Variants in DCDC1 observed in about 807,000 individuals in gnomAD.
The protein encoded by DCDC1 is doublecortin domain-containing protein 1.
DCDC1 carries 200 observed loss-of-function variants against 178.3 expected under a neutral mutation model. The observed-to-expected ratio is 1.12, with a 90% CI of 1.00 to 1.26. The LOEUF (loss-of-function observed/expected upper bound fraction) is 1.26, where lower values mean the gene tolerates loss of function less well. DCDC1 is among the 50% of genes most tolerant of loss of function. DCDC1 has a pLI of 0.00. For synonymous variants in DCDC1, 690 were observed against 604.8 expected, an observed-to-expected ratio of 1.14 and a Z score of -2.07; for missense variants, 1,983 against 1,749.2, an observed-to-expected ratio of 1.13 and a Z score of -2.38.
intron 21 of DCDC1, among the ~76,000 whole-genome samples, chr11:30,946,980 C>T (rs984170483): frequency 2.6e-5 from 4 of 152,118 alleles, no homozygotes; most frequent in Non-Finnish European, 5.9e-5. Context: ...CTAAATTTCA[C>T]TGAAAACGTA....
intron 9 of DCDC1, among the ~76,000 whole-genome samples, chr11:31,187,715 A>G (rs190743696): frequency 7.5e-4 from 114 of 152,346 alleles, no homozygotes; most frequent in African/African-American, 2.6e-3. Flanking sequence ...CAAAGGATCC[A>G]GTTACTAACC....
At chr11:31,289,685 G>C (rs1485940704) in intron 7 of DCDC1, among the ~76,000 whole-genome samples, 1 of 151,976 alleles carries the variant, frequency 6.6e-6, no homozygotes, top group Non-Finnish European at 1.5e-5. Flanking sequence ...TCAAAAATGA[G>C]ACTAGAAAAC....
Position 31,189,122 on chromosome 11 carries a change from T to C in DCDC1, c.1222-51338A>G, listed in dbSNP as rs151084592. Among the ~76,000 whole-genome samples the C allele has an allele frequency of 5.5e-3, 836 of 152,232 alleles. 8 individuals carry two copies. The highest frequency in any genetic ancestry group is 0.019 in the African/African-American group (794 of 41,540). Reference sequence around the variant, plus strand: ...GTAATAAATTTTCGTTGTTTATAAATTACTCAGTCTAAGGTGTTTTTGTTA... The same window carrying C: ...GTAATAAATTTTCGTTGTTTATAAACTACTCAGTCTAAGGTGTTTTTGTTA... On this transcript the variant is annotated intron_variant, in intron 9 of 38. Transcript: ENST00000684477.
intron 3 of DCDC1, among the ~76,000 whole-genome samples, chr11:31,323,343 G>T (rs1211434095): frequency 6.6e-6 from 1 of 152,100 alleles, no homozygotes; most frequent in African/African-American, 2.4e-5. Flanking sequence ...ACTTGCTGTC[G>T]CTTCATATTC....
Position 30,975,156 on chromosome 11 carries a change from T to C in DCDC1, c.2592-22588A>G, listed in dbSNP as rs558803784. Among the ~76,000 whole-genome samples the C allele has an allele frequency of 8.7e-4, 132 of 152,218 alleles. 1 individual carries two copies. The highest frequency in any genetic ancestry group is 1.6e-3 in the Non-Finnish European group (112 of 67,978). The stretch of plus-strand genomic sequence containing the variant: ...ATCTCAATAGACACAGAAAAAGCAT[T>C]TGATAAAATTTAACATTTCTTCATG... On this transcript the variant is annotated intron_variant, in intron 20 of 38. Coordinates refer to ENST00000684477, the MANE Select transcript of DCDC1 (RefSeq NM_001387274.1).
At chr11:31,167,672 C>G (rs149606605) in intron 9 of DCDC1, among the ~76,000 whole-genome samples, 1 of 152,128 alleles carries the variant, frequency 6.6e-6, no homozygotes, top group Non-Finnish European at 1.5e-5. Context: ...GACTCCTGAT[C>G]ACATTTATTT....
intron 1 of DCDC1, among the ~76,000 whole-genome samples, chr11:31,368,305 T>TA (rs1952069358): frequency 6.6e-6 from 1 of 152,114 alleles, no homozygotes; most frequent in Admixed American, 6.6e-5. Flanking sequence ...GCTTTTGCTG[T>TA]AAAAAACAAA....
Position 31,081,616 on chromosome 11 carries a change from A to AAAAG in DCDC1, c.2238-3692_2238-3691insCTTT, listed in dbSNP as rs1565258492. Among the ~76,000 whole-genome samples the AAAAG allele has an allele frequency of 2.0e-3, 298 of 152,274 alleles. 1 individual carries two copies. The highest frequency in any genetic ancestry group is 6.9e-3 in the African/African-American group (286 of 41,558). On this transcript the variant is annotated intron_variant, in intron 17 of 38. Transcript: ENST00000684477. The stretch of plus-strand genomic sequence containing the variant: ...CAAGAGTGAAACTCCATCTCAAAAA[A>AAAAG]AAAAGAAAAGAAAAGAAAAGAAATA...
chr11:30,871,945 C>T (rs922715495), intron 38 of DCDC1, among the ~76,000 whole-genome samples: 1 of 151,724 alleles, frequency 6.6e-6, no homozygotes, highest in Non-Finnish European at 1.5e-5. Flanking sequence ...CACACACATA[C>T]ATATATATAC....
At chr11:31,269,749 C>G (rs1945423948) in intron 7 of DCDC1, among the ~76,000 whole-genome samples, 1 of 152,136 alleles carries the variant, frequency 6.6e-6, no homozygotes, top group Non-Finnish European at 1.5e-5. Flanking sequence ...AATCATCATG[C>G]TGTAAAACCA....
At chr11:31,338,366 T>C (rs1950374934) in intron 1 of DCDC1, among the ~76,000 whole-genome samples, 1 of 152,168 alleles carries the variant, frequency 6.6e-6, no homozygotes, top group Non-Finnish European at 1.5e-5. Flanking sequence ...ACAGCCTAGA[T>C]TCTGAGCCAT....
At chr11:30,963,205 GA>G (rs1406669115) in intron 20 of DCDC1, among the ~76,000 whole-genome samples, 1 of 152,218 alleles carries the variant, frequency 6.6e-6, no homozygotes, top group East Asian at 1.9e-4. Context: ...GCCATTTCAA[GA>G]AACCAAGGAA....
At position 31,305,356 on chromosome 11, in the gene DCDC1, C is replaced by G. The variant is rs78508327; in HGVS notation, c.754+259G>C. ...CTGATTTAATTTATTATATTTTCACCATTTAACCTCCTGCAGGCTCCCTAA... is the reference window on the plus strand; with the variant it reads ...CTGATTTAATTTATTATATTTTCACGATTTAACCTCCTGCAGGCTCCCTAA... On this transcript the variant is annotated intron_variant, in intron 6 of 38. Coordinates refer to ENST00000684477, the MANE Select transcript of DCDC1 (RefSeq NM_001387274.1). 8.1e-3 allele frequency among the ~76,000 whole-genome samples: 1,226 copies of G among 152,130 alleles called. 23 individuals carry two copies. The highest frequency in any genetic ancestry group is 0.028 in the African/African-American group (1,174 of 41,524).
At chr11:31,353,530 G>A (rs553255977) in intron 1 of DCDC1, among the ~76,000 whole-genome samples, 79 of 152,172 alleles carry the variant, frequency 5.2e-4, no homozygotes, top group African/African-American at 1.9e-3. Context: ...CTAAATATGT[G>A]GCCCACTATC....
chr11:31,172,343 AT>A (rs1967350694), intron 9 of DCDC1, among the ~76,000 whole-genome samples: 1 of 152,094 alleles, frequency 6.6e-6, no homozygotes, highest in Admixed American at 6.5e-5. Context: ...TCATATATTA[AT>A]TTTTAAGAGA....
chr11:31,322,630 T>C (rs1445935242), intron 3 of DCDC1, among the ~76,000 whole-genome samples: 8 of 152,208 alleles, frequency 5.3e-5, no homozygotes, highest in Non-Finnish European at 1.0e-4. Context: ...TACTCGGACA[T>C]TGTTGAGTGA....
intron 34 of DCDC1, among the ~76,000 whole-genome samples, chr11:30,896,070 C>T (rs775281019): frequency 6.6e-5 from 10 of 152,028 alleles, no homozygotes; most frequent in East Asian, 1.9e-4. Context: ...AATGCACTTG[C>T]GCTATAATTT....
intron 9 of DCDC1, among the ~76,000 whole-genome samples, chr11:31,163,113 A>G (rs577676711): frequency 6.6e-6 from 1 of 152,290 alleles, no homozygotes; most frequent in African/African-American, 2.4e-5. Flanking sequence ...CTTGACAAAC[A>G]AAAATGGAAA....
intron 20 of DCDC1, among the ~76,000 whole-genome samples, chr11:30,999,402 T>C (rs1951448793): frequency 6.6e-6 from 1 of 152,178 alleles, no homozygotes; most frequent in Non-Finnish European, 1.5e-5. Flanking sequence ...ACAATTCTTC[T>C]GTAAATCAAA....
Sources: gnomAD v4.1 joint callset for allele counts (sites outside exome capture counted in the v4.1 genomes callset) on GRCh38, gnomAD v4.1.1 for gene constraint, MANE v1.5 for transcripts, NCBI Gene and HGNC (gene_info 2026-07-23, HGNC 2026-07-21) for gene names.